Variants in PRKCA observed in about 807,000 individuals in gnomAD.
PRKCA encodes protein kinase C alpha.
Under a neutral mutation model 87.0 loss-of-function variants are expected in PRKCA, and 27 were observed. The ratio of observed to expected loss-of-function variants is 0.31; its 90% CI spans 0.23 to 0.43. PRKCA has a LOEUF of 0.43. PRKCA is among the 20% of genes least tolerant of loss of function. The pLI is 1.00. For synonymous variants in PRKCA, 329 were observed against 311.1 expected (o/e 1.06, Z -0.61); for missense variants, 518 against 852.3 (o/e 0.61, Z 4.88).
intron 2 of PRKCA, among the ~76,000 whole-genome samples, chr17:66,311,435 G>A (rs1348216610): frequency 6.6e-6 from 1 of 152,024 alleles, no homozygotes; most frequent in Non-Finnish European, 1.5e-5. Context: ...GGGCAACATG[G>A]CAAAACCCCA....
intron 16 of PRKCA, chr17:66,796,518 G>A: frequency 1.0e-6 from 1 of 985,228 alleles, no homozygotes; most frequent in Non-Finnish European, 1.2e-6. Context: ...CCAGAACCTT[G>A]GGTGACTAAA....
In PRKCA at chr17:66,655,599, T is replaced by C. The variant is rs138146199; in HGVS notation, c.529+10088T>C. ...TTTCACCTGTGTGTTTATTTACATG[T>C]TGATCTCCTTCCACTATGTCATAAG... On this transcript the variant is annotated intron_variant, in intron 5 of 16. Coordinates refer to ENST00000413366, the MANE Select transcript of PRKCA (RefSeq NM_002737.3). Among the ~76,000 whole-genome samples the C allele has an allele frequency of 1.5e-3, 235 of 152,358 alleles. 1 individual carries two copies. Among genetic ancestry groups the C allele is most frequent in the African/African-American group, 5.2e-3 (218 of 41,586 alleles).
At chr17:66,738,192 A>G (rs1974080038) in intron 10 of PRKCA, among the ~76,000 whole-genome samples, 1 of 152,240 alleles carries the variant, frequency 6.6e-6, no homozygotes, top group Non-Finnish European at 1.5e-5. Context: ...CATATTACAG[A>G]TGCAAAAGAA....
intron 2 of PRKCA, among the ~76,000 whole-genome samples, chr17:66,443,287 A>T (rs1359908038): frequency 2.6e-5 from 4 of 152,190 alleles, no homozygotes; most frequent in Non-Finnish European, 5.9e-5. Context: ...GCTGCATTCT[A>T]ACTGGAGGCT....
At chr17:66,609,326 G>A (rs867720873) in intron 3 of PRKCA, among the ~76,000 whole-genome samples, 1 of 152,180 alleles carries the variant, frequency 6.6e-6, no homozygotes, top group Non-Finnish European at 1.5e-5. Flanking sequence ...GCTAGTTAGT[G>A]TGTGAGGCCA....
intron 2 of PRKCA, among the ~76,000 whole-genome samples, chr17:66,378,728 C>T (rs1276397428): frequency 6.6e-5 from 10 of 152,016 alleles, no homozygotes; most frequent in African/African-American, 1.2e-4. Context: ...GTGTGAAACC[C>T]GGTCTCTACT....
chr17:66,372,687 A>G (rs755470983), intron 2 of PRKCA, among the ~76,000 whole-genome samples: 5 of 152,152 alleles, frequency 3.3e-5, no homozygotes, highest in African/African-American at 4.8e-5. Flanking sequence ...AATGAATTGA[A>G]TGGGGGAGCC....
intron 13 of PRKCA, among the ~76,000 whole-genome samples, chr17:66,747,914 G>GGCCCA (rs1438822874): frequency 6.6e-6 from 1 of 152,230 alleles, no homozygotes; most frequent in Admixed American, 6.5e-5. Flanking sequence ...CACTGTTCCA[G>GGCCCA]GCCGGGGGGT....
chr17:66,435,467 C>T (rs1252181574), intron 2 of PRKCA, among the ~76,000 whole-genome samples: 2 of 152,052 alleles, frequency 1.3e-5, no homozygotes, highest in East Asian at 1.9e-4. Context: ...TTGGCAATCG[C>T]GAGACGCACT....
chr17:66,809,015 T>G lies in PRKCA; in HGVS notation c.*4978T>G, dbSNP rs1976106224. 1 of 152,258 alleles carries G rather than the reference T, an allele frequency of 6.6e-6. No homozygotes were observed. Among genetic ancestry groups the G allele is most frequent in the Non-Finnish European group, 1.5e-5 (1 of 68,098 alleles). 9.4% of individuals were successfully genotyped at this position (152,258 alleles called of 1,614,324 possible). On this transcript the variant is annotated 3_prime_UTR_variant, in exon 17 of 17. Transcript: ENST00000413366. ...TGAGCCACCACGCCCAGCCAAAATATTTTTTTAAAGTCATTTTCCTTAAGC... is the reference window on the plus strand; with the variant it reads ...TGAGCCACCACGCCCAGCCAAAATAGTTTTTTAAAGTCATTTTCCTTAAGC...
intron 2 of PRKCA, among the ~76,000 whole-genome samples, chr17:66,423,244 G>T (rs765841244): frequency 3.9e-5 from 6 of 152,098 alleles, no homozygotes; most frequent in Non-Finnish European, 7.4e-5. Context: ...ATGCAGCGAG[G>T]ATTTTGCCCC....
chr17:66,517,743 A>G (rs749565459), intron 3 of PRKCA, among the ~76,000 whole-genome samples: 3 of 152,186 alleles, frequency 2.0e-5, no homozygotes, highest in Non-Finnish European at 4.4e-5. Flanking sequence ...ATTAACACCA[A>G]GTTCTTGGCG....
At chr17:66,351,263 A>T (rs114366286) in intron 2 of PRKCA, among the ~76,000 whole-genome samples, 2 of 152,234 alleles carry the variant, frequency 1.3e-5, no homozygotes, top group African/African-American at 4.8e-5. Flanking sequence ...CCTTCAGGCT[A>T]TGGGCGCGTG....
intron 3 of PRKCA, among the ~76,000 whole-genome samples, chr17:66,577,699 T>C (rs952503196): frequency 2.6e-5 from 4 of 151,904 alleles, no homozygotes; most frequent in African/African-American, 9.7e-5. Context: ...TACATTTCCT[T>C]CTTTTCTTTT....
rs545146957 is a variant in PRKCA at position 66,358,488 on chromosome 17, G to A, written c.205+52361G>A. On this transcript the variant is annotated intron_variant, in intron 2 of 16. Transcript: ENST00000413366. Reference sequence around the variant, plus strand: ...TGAATACATGTGTGAATTAATAGATGGTAATCTATTACACTCTACCCATTT... The same window carrying A: ...TGAATACATGTGTGAATTAATAGATAGTAATCTATTACACTCTACCCATTT... Among the ~76,000 whole-genome samples, 50 of 150,140 alleles carry A rather than the reference G, an allele frequency of 3.3e-4. 1 individual carries two copies. In the South Asian group the frequency reaches 0.01, roughly 31 times the overall value.
At chr17:66,679,483 A>G (rs148287022) in intron 5 of PRKCA, among the ~76,000 whole-genome samples, 2 of 152,168 alleles carry the variant, frequency 1.3e-5, no homozygotes, top group Non-Finnish European at 2.9e-5. Context: ...CCCGGCCTAC[A>G]CTCACACCTT....
intron 8 of PRKCA, among the ~76,000 whole-genome samples, chr17:66,694,914 T>C (rs16960053): frequency 0.068 from 10,417 of 152,234 alleles, 389 homozygotes; most frequent in South Asian, 0.14. Context: ...TATCCGTCAG[T>C]TGATTCTTTC....
At chr17:66,501,879 G>A (rs1416096932) in intron 3 of PRKCA, among the ~76,000 whole-genome samples, 2 of 152,200 alleles carry the variant, frequency 1.3e-5, no homozygotes. Context: ...CTGAAGGGCA[G>A]CAAGTGCCCA....
At chr17:66,372,913 C>T (rs796506837) in intron 2 of PRKCA, among the ~76,000 whole-genome samples, 7 of 152,110 alleles carry the variant, frequency 4.6e-5, no homozygotes, top group Middle Eastern at 3.4e-3. Context: ...AAAAATTAGC[C>T]GGGCTTGGTG....
Sources: allele counts gnomAD v4.1 joint callset (sites outside exome capture counted in the v4.1 genomes callset), GRCh38; gene constraint gnomAD v4.1.1; transcripts MANE v1.5; gene names NCBI Gene and HGNC (gene_info 2026-07-23, HGNC 2026-07-21).